The following MARCHF10 variants were observed in gnomAD, a reference collection of about 807,000 sequenced individuals.
MARCHF10 encodes the protein membrane associated ring-CH-type finger 10, also known as probable E3 ubiquitin-protein ligase MARCHF10.
Under a neutral mutation model 76.2 loss-of-function variants are expected in MARCHF10, and 64 were observed. That is an observed-to-expected ratio of 0.84 (90% CI 0.69 to 1.03). MARCHF10 has a LOEUF of 1.03. Ranked by LOEUF, MARCHF10 falls within the 50% of genes least tolerant of loss-of-function variation. The pLI is 0.00. For missense variants in MARCHF10, 875 were observed against 958.0 expected (o/e 0.91, Z 1.14); for synonymous variants, 340 against 357.5 (o/e 0.95, Z 0.55).
chr17:62,717,381 A>G (rs1001162126), intron 8 of MARCHF10, among the ~76,000 whole-genome samples: 3 of 152,242 alleles, frequency 2.0e-5, no homozygotes, highest in Non-Finnish European at 4.4e-5. Flanking sequence ...TGGCTTGTGA[A>G]GTTCTCACTG....
intron 10 of MARCHF10, chr17:62,705,006 C>G (rs1363621257): frequency 1.0e-6 from 1 of 958,570 alleles, no homozygotes; most frequent in East Asian, 1.3e-4. Context: ...AACCTGTTTG[C>G]AGAGAGCCGT....
rs1362728072 is a variant in MARCHF10 at position 62,747,054 on chromosome 17, G to T, written c.383-2526C>A. 8 of 1,070,578 alleles carry T rather than the reference G, an allele frequency of 7.5e-6. No homozygotes were observed. In the East Asian group the frequency reaches 2.1e-4, roughly 28 times the overall value. The allele number at this position is 1,070,578 out of a possible 1,614,324, so 66.3% of individuals were successfully genotyped here. A position where few individuals can be genotyped will look rare whatever the true frequency, so the allele number is the denominator to read the frequency against. ...TTTAAATATTCTAAAATTGCTTAAT[G>T]AGTATGTCTTTTCTCTCCAACTAGC... On this transcript the variant is annotated intron_variant, in intron 4 of 10. Coordinates refer to ENST00000311269, the MANE Select transcript of MARCHF10 (RefSeq NM_152598.4).
intron 3 of MARCHF10, among the ~76,000 whole-genome samples, chr17:62,765,910 A>T (rs910205397): frequency 6.6e-6 from 1 of 152,108 alleles, no homozygotes; most frequent in Non-Finnish European, 1.5e-5. Context: ...AGATTTTAAA[A>T]ACCGGAATGC....
Position 62,754,835 on chromosome 17 carries a change from C to T in MARCHF10, c.382+5000G>A, listed in dbSNP as rs567756695. On this transcript the variant is annotated intron_variant, in intron 4 of 10. Transcript: ENST00000311269. Reference sequence around the variant, plus strand: ...GTTCCTGGACACCAGTTGGACTTGCCGCGAAAACCATTAATCTGGCCTTTC... The same window carrying T: ...GTTCCTGGACACCAGTTGGACTTGCTGCGAAAACCATTAATCTGGCCTTTC... 5.3e-5 allele frequency among the ~76,000 whole-genome samples: 8 copies of T among 152,096 alleles called. No homozygotes were observed. The South Asian group carries it at 8.3e-4, about 16-fold the overall frequency.
chr17:62,798,071 T>C (rs576694774), intron 2 of MARCHF10, among the ~76,000 whole-genome samples: 2 of 152,232 alleles, frequency 1.3e-5, no homozygotes, highest in African/African-American at 4.8e-5. Flanking sequence ...CAGGTAGACA[T>C]AGCCAACTGG....
chr17:62,773,719 T>C (rs11079487), intron 3 of MARCHF10, among the ~76,000 whole-genome samples: 105,153 of 151,954 alleles, frequency 0.69, 37,574 homozygotes, highest in African/African-American at 0.88. Flanking sequence ...AGGAAATTTC[T>C]AGCTGAGGGA....
chr17:62,800,534 G>A (rs577750136), intron 2 of MARCHF10, among the ~76,000 whole-genome samples: 1 of 152,304 alleles, frequency 6.6e-6, no homozygotes, highest in South Asian at 2.1e-4. Context: ...GTATTATACA[G>A]GTGAAATCAG....
In MARCHF10 at chr17:62,727,293, A is replaced by G. The variant is rs1304829623; in HGVS notation, c.1938-2189T>C. Among the ~76,000 whole-genome samples the G allele has an allele frequency of 3.3e-5, 5 of 152,342 alleles. No homozygotes were observed. In the East Asian group the frequency reaches 9.6e-4, roughly 29 times the overall value. On this transcript the variant is annotated intron_variant, in intron 6 of 10. Coordinates refer to ENST00000311269, the MANE Select transcript of MARCHF10 (RefSeq NM_152598.4). ...GCAAAAAAATTTTTTTTAACAAATAAAAGTGAAGAAGAGACAGAAAAGCAC... is the reference window on the plus strand; with the variant it reads ...GCAAAAAAATTTTTTTTAACAAATAGAAGTGAAGAAGAGACAGAAAAGCAC...
rs760701810 is a variant in MARCHF10, at chr17:62,705,590, AAG to A, written c.2329-11_2329-10del. ...GGGTAATTTCTTGACAACTACAAGA[AAG>A]AAGACAATGAGAAATGAATTGTTTT... On this transcript the variant is annotated splice_polypyrimidine_tract_variant and intron_variant, in intron 9 of 10. Transcript: ENST00000311269. 9.3e-6 allele frequency: 15 copies of A among 1,613,624 alleles called. No individual in the cohort carries two copies. The East Asian group carries it at 2.9e-4, about 31-fold the overall frequency.
chr17:62,766,822 C>T (rs560082595), intron 3 of MARCHF10, among the ~76,000 whole-genome samples: 1 of 152,244 alleles, frequency 6.6e-6, no homozygotes, highest in Admixed American at 6.5e-5. Flanking sequence ...GTGAAGGATA[C>T]AGAAATAAGC....
chr17:62,740,393 T>G (rs907018009), intron 5 of MARCHF10, among the ~76,000 whole-genome samples: 6 of 152,206 alleles, frequency 3.9e-5, no homozygotes, highest in Non-Finnish European at 8.8e-5. Context: ...CTTCGACTTC[T>G]TGGTGTGCTT....
intron 1 of MARCHF10, among the ~76,000 whole-genome samples, chr17:62,803,725 A>T (rs910146693): frequency 6.6e-6 from 1 of 152,162 alleles, no homozygotes; most frequent in Admixed American, 6.5e-5. Context: ...CATATCGGCC[A>T]GACTGATCTT....
chr17:62,795,026 G>T (rs2092960028), intron 2 of MARCHF10: 2 of 985,070 alleles, frequency 2.0e-6, no homozygotes, highest in African/African-American at 3.5e-5. Context: ...ATACCTCAAA[G>T]GTGAGCCAGG....
chr17:62,753,937 C>A (rs558052751), intron 4 of MARCHF10, among the ~76,000 whole-genome samples: 1 of 152,172 alleles, frequency 6.6e-6, no homozygotes, highest in Non-Finnish European at 1.5e-5. Flanking sequence ...TACACCAGTT[C>A]GCCCTGGTAT....
intron 7 of MARCHF10, among the ~76,000 whole-genome samples, 165 bp from the exon 8 acceptor site, chr17:62,722,762 C>T (rs918435773): frequency 1.3e-4 from 20 of 151,668 alleles, no homozygotes; most frequent in Middle Eastern, 3.2e-3. Context: ...GACCTTGAAT[C>T]TGAGAGCTGA....
intron 10 of MARCHF10, chr17:62,705,239 A>G (rs2089503701): frequency 1.1e-5 from 15 of 1,341,116 alleles, no homozygotes; most frequent in Non-Finnish European, 1.4e-5. Context: ...GACGCTGGAG[A>G]ATCCCAGCAA....
intron 3 of MARCHF10, among the ~76,000 whole-genome samples, chr17:62,785,346 C>T (rs1029787354): frequency 6.6e-6 from 1 of 152,080 alleles, no homozygotes; most frequent in Non-Finnish European, 1.5e-5. Flanking sequence ...AAACTGAATC[C>T]CTTCCTTACA....
chr17:62,710,507 A>G (rs888331107), intron 9 of MARCHF10, among the ~76,000 whole-genome samples: 9 of 151,484 alleles, frequency 5.9e-5, no homozygotes, highest in African/African-American at 2.2e-4. Flanking sequence ...TGAGCCAGAA[A>G]AAAAAAAATC....
rs1451230030 is a variant in MARCHF10, at chr17:62,732,689, T to C, written c.1937+3242A>G. ...TTTCTTAAGCAAGACAAGATACAAA[T>C]TGCAATCCAAAAAGAAGATGGGGCC... On this transcript the variant is annotated intron_variant, in intron 6 of 10. Coordinates refer to ENST00000311269, the MANE Select transcript of MARCHF10 (RefSeq NM_152598.4). Among the ~76,000 whole-genome samples the C allele has an allele frequency of 3.9e-5, 6 of 152,054 alleles. No homozygotes were observed. The East Asian group carries it at 1.2e-3, about 29-fold the overall frequency.
Sources: allele counts gnomAD v4.1 joint callset (sites outside exome capture counted in the v4.1 genomes callset), GRCh38; gene constraint gnomAD v4.1.1; transcripts MANE v1.5; gene names NCBI Gene and HGNC (gene_info 2026-07-23, HGNC 2026-07-21).